Variants in CSMD1 observed in about 807,000 individuals in gnomAD.
CSMD1 encodes CUB and Sushi multiple domains 1.
In CSMD1, 213 loss-of-function variants were observed where a neutral mutation model predicts 417.5. The ratio of observed to expected loss-of-function variants is 0.51; its 90% CI spans 0.46 to 0.57. CSMD1 has a LOEUF of 0.57. Among genes scored for constraint, CSMD1 ranks in the 20% least tolerant of loss-of-function variants. The pLI, the probability that CSMD1 is intolerant of heterozygous loss-of-function variation, is 0.00. For synonymous variants in CSMD1, 2,862 were observed against 1,736.8 expected (o/e 1.65, Z -16.11); for missense variants, 6,923 against 4,529.7 (o/e 1.53, Z -15.17).
chr8:3,808,904 T>C (rs1282541577), intron 5 of CSMD1, among the ~76,000 whole-genome samples: 3 of 152,222 alleles, frequency 2.0e-5, no homozygotes, highest in African/African-American at 7.2e-5. Flanking sequence ...TTTAAACTTC[T>C]AGTCAGGCAA....
intron 1 of CSMD1, among the ~76,000 whole-genome samples, chr8:4,687,703 CAGAA>C (rs1806480510): frequency 6.6e-6 from 1 of 152,160 alleles, no homozygotes; most frequent in Non-Finnish European, 1.5e-5. Flanking sequence ...GATAGCTAAA[CAGAA>C]AGAGTCACCT....
At chr8:4,091,875 C>T (rs751330813) in intron 3 of CSMD1, among the ~76,000 whole-genome samples, 13 of 152,168 alleles carry the variant, frequency 8.5e-5, no homozygotes, top group Non-Finnish European at 1.8e-4. Flanking sequence ...AAATTAGACT[C>T]CGCATTGTAA....
At chr8:3,267,392 G>T (rs1043208232) in intron 26 of CSMD1, among the ~76,000 whole-genome samples, 1 of 152,204 alleles carries the variant, frequency 6.6e-6, no homozygotes, top group African/African-American at 2.4e-5. Context: ...AAGGTGCGTT[G>T]GAGCAAGGCT....
intron 3 of CSMD1, among the ~76,000 whole-genome samples, chr8:4,350,801 G>C (rs907357762): frequency 2.6e-5 from 4 of 152,112 alleles, no homozygotes; most frequent in East Asian, 1.9e-4. Context: ...CCAGCATCTA[G>C]TTACTTTAGC....
At chr8:4,279,611 A>C (rs1032938013) in intron 3 of CSMD1, among the ~76,000 whole-genome samples, 1 of 152,218 alleles carries the variant, frequency 6.6e-6, no homozygotes, top group Non-Finnish European at 1.5e-5. Flanking sequence ...ACTCAATGAA[A>C]GGATAAATGC....
chr8:3,196,425 C>T (rs1478406091), intron 33 of CSMD1, among the ~76,000 whole-genome samples: 1 of 152,112 alleles, frequency 6.6e-6, no homozygotes, highest in African/African-American at 2.4e-5. Flanking sequence ...TCCTAATAAA[C>T]TTGTTTTTAC....
chr8:4,615,476 T>C (rs1259562643), intron 2 of CSMD1, among the ~76,000 whole-genome samples: 1 of 152,222 alleles, frequency 6.6e-6, no homozygotes, highest in African/African-American at 2.4e-5. Flanking sequence ...TAGGTCAAAG[T>C]AATTTAATTG....
chr8:3,753,380 G>C (rs540682207), intron 6 of CSMD1, among the ~76,000 whole-genome samples: 3 of 152,270 alleles, frequency 2.0e-5, no homozygotes, highest in South Asian at 2.1e-4. Flanking sequence ...AAACCAGAGA[G>C]AAAAAGAACA....
At chr8:4,681,399 T>G (rs558329329) in intron 1 of CSMD1, among the ~76,000 whole-genome samples, 1 of 152,348 alleles carries the variant, frequency 6.6e-6, no homozygotes, top group South Asian at 2.1e-4. Flanking sequence ...CTTCAGTATC[T>G]ATTTCCCTCT....
intron 25 of CSMD1, among the ~76,000 whole-genome samples, chr8:3,295,055 G>A (rs1268566063): frequency 2.6e-5 from 4 of 152,206 alleles, no homozygotes; most frequent in Middle Eastern, 6.8e-3. Context: ...GTGTTTAAGA[G>A]TAGTTACATA....
chr8:3,084,873 C>A (rs985923653), intron 49 of CSMD1, among the ~76,000 whole-genome samples: 1 of 151,664 alleles, frequency 6.6e-6, no homozygotes. Context: ...CTTTAATGTT[C>A]AAAAATCCTA....
At chr8:4,602,960 G>C (rs954684818) in intron 2 of CSMD1, among the ~76,000 whole-genome samples, 25 of 151,696 alleles carry the variant, frequency 1.6e-4, no homozygotes, top group African/African-American at 5.8e-4. Context: ...AGATAAAAAA[G>C]AAGATATTCA....
In CSMD1 at chr8:3,369,345, C is replaced by G; in HGVS notation, c.2808G>C (p.Gly936=). 2 of 1,592,176 alleles carry G rather than the reference C, an allele frequency of 1.3e-6. No individual in the cohort carries two copies. Among genetic ancestry groups the G allele is most frequent in the Non-Finnish European group, 1.7e-6 (2 of 1,160,808 alleles). Residue 936 remains glycine (G), a synonymous_variant, in exon 19 of 70, where the codon GGG becomes GGC. Coordinates refer to ENST00000635120, the MANE Select transcript of CSMD1 (RefSeq NM_033225.6). The stretch of plus-strand genomic sequence containing the variant: ...CAGGAGAAAGGACTGTTCCACTCTT[C>G]CCTTGGATGTAGCCTCCACATAGAG... ...CDALCGGYIQ[G]KSGTVLSPGF...
chr8:4,625,676 C>A (rs1233570752), intron 2 of CSMD1, among the ~76,000 whole-genome samples: 1 of 151,988 alleles, frequency 6.6e-6, no homozygotes, highest in Non-Finnish European at 1.5e-5. Flanking sequence ...TAAACCTAAG[C>A]AAGCAAATAT....
At position 3,691,300 on chromosome 8, in the gene CSMD1, G is replaced by A. The variant is rs551357936; in HGVS notation, c.1009+17114C>T. On this transcript the variant is annotated intron_variant, in intron 7 of 69. Coordinates refer to ENST00000635120, the MANE Select transcript of CSMD1 (RefSeq NM_033225.6). The stretch of plus-strand genomic sequence containing the variant: ...GGAGATCACTTGACCCTGGGAGGCG[G>A]AGGTTGCAGTGAGCCGGGATCGTGC... 3.9e-4 allele frequency among the ~76,000 whole-genome samples: 59 copies of A among 151,898 alleles called. 1 individual carries two copies. The highest frequency in any genetic ancestry group is 7.2e-4 in the Non-Finnish European group (49 of 67,992).
intron 3 of CSMD1, among the ~76,000 whole-genome samples, chr8:4,283,813 T>C (rs1223971702): frequency 6.6e-6 from 1 of 152,136 alleles, no homozygotes; most frequent in Non-Finnish European, 1.5e-5. Flanking sequence ...TTTACCCACC[T>C]ATAAAATCCT....
intron 5 of CSMD1, among the ~76,000 whole-genome samples, chr8:3,798,359 T>A (rs1488341955): frequency 6.6e-6 from 1 of 152,042 alleles, no homozygotes; most frequent in Non-Finnish European, 1.5e-5. Flanking sequence ...GTCACTCTCT[T>A]ACATTAGCCT....
intron 6 of CSMD1, among the ~76,000 whole-genome samples, chr8:3,739,480 CATATT>C (rs963248797): frequency 6.6e-5 from 10 of 152,262 alleles, no homozygotes; most frequent in African/African-American, 2.4e-4. Context: ...GATCACTACA[CATATT>C]ATGTTTCAAA....
chr8:3,419,862 G>C (rs1813378686), intron 12 of CSMD1, among the ~76,000 whole-genome samples: 4 of 152,198 alleles, frequency 2.6e-5, no homozygotes, highest in South Asian at 2.1e-4. Context: ...ATAGCAAAGT[G>C]AGTAGAAATA....
Sources: gnomAD v4.1 joint callset for allele counts (sites outside exome capture counted in the v4.1 genomes callset) on GRCh38, gnomAD v4.1.1 for gene constraint, MANE v1.5 for transcripts, NCBI Gene and HGNC (gene_info 2026-07-23, HGNC 2026-07-21) for gene names.